TCF25: variants seen among roughly 807,000 people sequenced by gnomAD.
TCF25 encodes the protein ribosome quality control complex subunit TCF25.
TCF25 carries 41 observed loss-of-function variants against 83.1 expected under a neutral mutation model. The observed-to-expected ratio is 0.49, with a 90% CI of 0.38 to 0.64. TCF25 has a LOEUF of 0.64. TCF25 is among the 30% of genes least tolerant of loss of function. The probability of loss-of-function intolerance (pLI) is 0.00; values close to 1 mark genes in which losing one functional copy is unlikely to be tolerated. For synonymous variants in TCF25, 458 were observed against 365.0 expected (o/e 1.25, Z -2.90); for missense variants, 979 against 914.5 (o/e 1.07, Z -0.91).
chr16:89,883,779 A>AACCGCGCACGTGTGTCCCTCCTAGCCG (rs1489433546), intron 2 of TCF25: 31 of 389,850 alleles, frequency 8.0e-5, no homozygotes, highest in African/African-American at 4.7e-4. Context: ...CCTCCTAGCC[A>AACCGCGCACGTGTGTCCCTCCTAGCCG]ACCGCGCACG....
chr16:89,881,668 C>T (rs543502001), intron 1 of TCF25, among the ~76,000 whole-genome samples: 1 of 152,206 alleles, frequency 6.6e-6, no homozygotes, highest in South Asian at 2.1e-4. Flanking sequence ...TGGTTTCAAG[C>T]TCCTGGGCTC....
chr16:89,876,691 C>G (rs1312187225), intron 1 of TCF25, among the ~76,000 whole-genome samples: 1 of 152,004 alleles, frequency 6.6e-6, no homozygotes, highest in African/African-American at 2.4e-5. Flanking sequence ...CTTTGGGAGG[C>G]CGACGTGGGC....
chr16:89,906,962 C>T (rs2044842773), intron 15 of TCF25, among the ~76,000 whole-genome samples: 1 of 152,074 alleles, frequency 6.6e-6, no homozygotes, highest in South Asian at 2.1e-4. Flanking sequence ...GCTTGAGCGG[C>T]ACGTGACCCC....
chr16:89,903,621 C>T (rs568375634), intron 12 of TCF25, among the ~76,000 whole-genome samples: 1 of 152,170 alleles, frequency 6.6e-6, no homozygotes, highest in African/African-American at 2.4e-5. Context: ...GCCTGGCCAG[C>T]ATGGTGAAAC....
chr16:89,895,079 G>C lies in TCF25; in HGVS notation c.870G>C (p.Leu290=). 2 of 1,613,322 alleles carry C rather than the reference G, an allele frequency of 1.2e-6. No homozygotes were observed. Among genetic ancestry groups the C allele is most frequent in the Non-Finnish European group, 1.7e-6 (2 of 1,179,816 alleles). ...QTSPYHVDSL[L]QLSDACRFQE... ...GCCCTTACCACGTTGACTCACTCCT[G>C]CAGCTCAGCGATGCCTGCCGCTTTC... is the stretch of plus-strand genomic sequence containing the variant. The change falls in exon 8 of 18, where the codon CTG becomes CTC. Residue 290 remains leucine (L), a synonymous_variant. Coordinates refer to ENST00000263346, the MANE Select transcript of TCF25 (RefSeq NM_014972.3).
intron 8 of TCF25, 94 bp from the exon 9 acceptor site, chr16:89,895,896 G>A (rs74633006): frequency 1.2e-5 from 14 of 1,203,558 alleles, no homozygotes; most frequent in South Asian, 8.1e-5. Flanking sequence ...GTGACCTTCC[G>A]TCCAGACCTT....
intron 1 of TCF25, among the ~76,000 whole-genome samples, chr16:89,881,380 C>T (rs2042593877): frequency 6.6e-6 from 1 of 152,122 alleles, no homozygotes. Flanking sequence ...AACCTTAGTG[C>T]ATCCGATTGG....
At chr16:89,909,499 G>T (rs1335257076) in intron 16 of TCF25, 2 of 127,102 alleles carry the variant, frequency 1.6e-5, no homozygotes, top group Admixed American at 1.8e-4. Context: ...GACAGAGGAA[G>T]ACTCCGTCTC....
At chr16:89,877,109 T>A (rs76493693) in intron 1 of TCF25, among the ~76,000 whole-genome samples, 13,376 of 136,480 alleles carry the variant, frequency 0.098, 1,675 homozygotes, top group African/African-American at 0.37. Flanking sequence ...CTCAAAAAAA[T>A]AAATAAATAA....
intron 1 of TCF25, among the ~76,000 whole-genome samples, chr16:89,880,034 G>A (rs1034527263): frequency 1.3e-5 from 2 of 151,628 alleles, no homozygotes; most frequent in East Asian, 3.9e-4. Flanking sequence ...CATCACACGT[G>A]CTGTCCGTGT....
chr16:89,873,649 G>T lies in TCF25; in HGVS notation c.-19G>T. 1 of 1,556,040 alleles carries T rather than the reference G, an allele frequency of 6.4e-7. No individual in the cohort carries two copies. The highest frequency in any genetic ancestry group is 2.4e-5 in the East Asian group (1 of 41,064). ...CGCTTCCTTCTCCCTCTCTCCAGAC[G>T]TCGTGGTCGTTCGGTCCTATGTCGC... On this transcript the variant is annotated 5_prime_UTR_variant, in exon 1 of 18. Transcript: ENST00000263346.
At chr16:89,883,320 G>T in intron 1 of TCF25, 31 bp from the exon 2 acceptor site, 1 of 1,609,120 alleles carries the variant, frequency 6.2e-7, no homozygotes, top group Non-Finnish European at 8.5e-7. Context: ...TGTAAGTAAC[G>T]CCCTGGCTCT....
chr16:89,887,265 A>G (rs2043086371), intron 4 of TCF25, among the ~76,000 whole-genome samples: 1 of 152,082 alleles, frequency 6.6e-6, no homozygotes, highest in Non-Finnish European at 1.5e-5. Flanking sequence ...CAGATGCTTA[A>G]TGAATCGCTG....
chr16:89,880,676 C>G (rs1329292593), intron 1 of TCF25, among the ~76,000 whole-genome samples: 4 of 152,074 alleles, frequency 2.6e-5, no homozygotes, highest in African/African-American at 9.7e-5. Flanking sequence ...ATCCCTTGAC[C>G]ACAGGAATTT....
intron 16 of TCF25, chr16:89,908,829 GCTCCCAC>G (rs1329642689): frequency 2.5e-6 from 2 of 807,234 alleles, no homozygotes; most frequent in Non-Finnish European, 1.6e-6. Context: ...CCAGCTCCCA[GCTCCCAC>G]CTCGCAGCTC....
chr16:89,886,994 A>T (rs1355508623), intron 4 of TCF25, among the ~76,000 whole-genome samples: 2 of 152,174 alleles, frequency 1.3e-5, no homozygotes, highest in Non-Finnish European at 2.9e-5. Flanking sequence ...CATATTTCAG[A>T]GAACTTCTAG....
chr16:89,875,890 T>A (rs1329818326), intron 1 of TCF25, among the ~76,000 whole-genome samples: 1 of 142,958 alleles, frequency 7.0e-6, no homozygotes, highest in Non-Finnish European at 1.5e-5. Context: ...GGCTGGTTGC[T>A]GGTCTTGAAC....
In TCF25 at chr16:89,900,538, G is replaced by C. The variant is rs896029558; in HGVS notation, c.1222-97G>C. The C allele has an allele frequency of 8.0e-6, 11 of 1,383,350 alleles. No homozygotes were observed. In the Admixed American group the frequency reaches 2.4e-4, roughly 30 times the overall value. The allele number at this position is 1,383,350 out of a possible 1,614,324, so 85.7% of individuals were successfully genotyped here. ...CGTTGCCTGCAGAATATACCTGCTC[G>C]GGGTAGGGCTCACTGGTGATGTCAG... On this transcript the variant is annotated intron_variant, in intron 11 of 17. Coordinates refer to ENST00000263346, the MANE Select transcript of TCF25 (RefSeq NM_014972.3).
intron 1 of TCF25, among the ~76,000 whole-genome samples, chr16:89,875,305 G>T (rs2042094353): frequency 6.6e-6 from 1 of 152,104 alleles, no homozygotes; most frequent in African/African-American, 2.4e-5. Context: ...GTGACAACCT[G>T]TTTATATCTT....
Sources: gnomAD v4.1 joint callset for allele counts (sites outside exome capture counted in the v4.1 genomes callset) on GRCh38, gnomAD v4.1.1 for gene constraint, MANE v1.5 for transcripts, NCBI Gene and HGNC (gene_info 2026-07-23, HGNC 2026-07-21) for gene names.